Variants in PYM1 observed in about 807,000 individuals in gnomAD.
PYM1 encodes PYM1 exon junction complex associated factor.
A neutral mutation model predicts 20.7 loss-of-function variants in PYM1; 7 were observed. That is an observed-to-expected ratio of 0.34 (90% CI 0.19 to 0.64). The LOEUF (loss-of-function observed/expected upper bound fraction) is 0.64, where lower values mean the gene tolerates loss of function less well. PYM1 is among the 30% of genes least tolerant of loss of function. The pLI, the probability that PYM1 is intolerant of heterozygous loss-of-function variation, is 0.74. For missense variants in PYM1, 194 were observed against 250.0 expected, an observed-to-expected ratio of 0.78 and a Z score of 1.51; for synonymous variants, 100 against 99.2, an observed-to-expected ratio of 1.01 and a Z score of -0.05.
At chr12:55,916,808 G>T (rs1443452008) in intron 1 of PYM1, among the ~76,000 whole-genome samples, 1 of 151,080 alleles carries the variant, frequency 6.6e-6, no homozygotes, top group African/African-American at 2.4e-5. Flanking sequence ...CTCAAAAAAA[G>T]AAAAAAAGAA....
Position 55,901,805 on chromosome 12 carries a change from G to C in PYM1, c.*67C>G, listed in dbSNP as rs1488826019. On this transcript the variant is annotated 3_prime_UTR_variant, in exon 3 of 3. Transcript: ENST00000408946. ...GTACCCCTCCTGACTGCTGTTGCCC[G>C]TATTCCCCCAGACCCCAGAGAGCCC... 10 of 1,528,622 alleles carry C rather than the reference G, an allele frequency of 6.5e-6. No homozygotes were observed. Among genetic ancestry groups the C allele is most frequent in the African/African-American group, 1.4e-5 (1 of 71,904 alleles). 94.7% of individuals were successfully genotyped at this position (1,528,622 alleles called of 1,614,324 possible).
At chr12:55,906,605 T>G (rs1417034811) in intron 1 of PYM1, among the ~76,000 whole-genome samples, 2 of 152,180 alleles carry the variant, frequency 1.3e-5, no homozygotes, top group African/African-American at 4.8e-5. Context: ...GAACCACACT[T>G]TGAGAATCGC....
At chr12:55,910,168 T>A (rs1262925413) in intron 1 of PYM1, among the ~76,000 whole-genome samples, 1 of 151,858 alleles carries the variant, frequency 6.6e-6, no homozygotes, top group East Asian at 1.9e-4. Context: ...GAGCCAAATA[T>A]AAGTGACCAT....
intron 1 of PYM1, among the ~76,000 whole-genome samples, chr12:55,921,815 A>G (rs1469846936): frequency 6.6e-6 from 1 of 152,232 alleles, no homozygotes; most frequent in African/African-American, 2.4e-5. Context: ...CTATAAGTCC[A>G]TATTGATATA....
chr12:55,926,204 A>T (rs143473887), intron 1 of PYM1, among the ~76,000 whole-genome samples: 316 of 152,302 alleles, frequency 2.1e-3, no homozygotes, highest in Admixed American at 3.6e-3. Flanking sequence ...TTTGATCATC[A>T]TTGAGTAGCT....
chr12:55,910,496 G>A (rs563305371), intron 1 of PYM1, among the ~76,000 whole-genome samples: 125 of 152,168 alleles, frequency 8.2e-4, no homozygotes, highest in African/African-American at 2.8e-3. Context: ...AGGCTGGAGT[G>A]TAGTGGCATG....
intron 1 of PYM1, among the ~76,000 whole-genome samples, chr12:55,908,710 G>A (rs1882869437): frequency 6.6e-6 from 1 of 151,530 alleles, no homozygotes; most frequent in Non-Finnish European, 1.5e-5. Context: ...AAATAGCCAG[G>A]AGTGGTGGCT....
Position 55,912,871 on chromosome 12 carries a change from G to A in PYM1, c.38-9391C>T, listed in dbSNP as rs184825920. On this transcript the variant is annotated intron_variant, in intron 1 of 2. Coordinates refer to ENST00000408946, the MANE Select transcript of PYM1 (RefSeq NM_032345.3). ...CCCAGCTACTTGGGAGCCTGAGGCAGGAGAATCACTTGAACCCGGGAGGCG... is the reference window on the plus strand; with the variant it reads ...CCCAGCTACTTGGGAGCCTGAGGCAAGAGAATCACTTGAACCCGGGAGGCG... 4.1e-3 allele frequency among the ~76,000 whole-genome samples: 614 copies of A among 151,318 alleles called. 7 individuals carry two copies. Among genetic ancestry groups the A allele is most frequent in the African/African-American group, 0.014 (588 of 41,204 alleles).
chr12:55,923,718 T>C (rs1275879854), intron 1 of PYM1, among the ~76,000 whole-genome samples: 3 of 152,094 alleles, frequency 2.0e-5, no homozygotes, highest in Non-Finnish European at 2.9e-5. Context: ...GAAATCTCTG[T>C]AGCATCTTCT....
At chr12:55,916,589 G>A (rs1393925213) in intron 1 of PYM1, among the ~76,000 whole-genome samples, 1 of 152,056 alleles carries the variant, frequency 6.6e-6, no homozygotes, top group Non-Finnish European at 1.5e-5. Context: ...CCTGAGGTCA[G>A]GAGTTCAAGA....
intron 2 of PYM1, 150 bp from the exon 3 acceptor site, chr12:55,902,505 T>C: frequency 8.6e-7 from 1 of 1,161,078 alleles, no homozygotes; most frequent in East Asian, 2.6e-5. Context: ...TGAGATAGAG[T>C]CTCGCTCAGT....
intron 1 of PYM1, among the ~76,000 whole-genome samples, chr12:55,918,503 T>C (rs951469374): frequency 6.6e-6 from 1 of 152,116 alleles, no homozygotes; most frequent in Admixed American, 6.5e-5. Context: ...GAGGCTGACG[T>C]AGGAGGATCA....
At chr12:55,918,302 G>A (rs1475086623) in intron 1 of PYM1, among the ~76,000 whole-genome samples, 5 of 151,898 alleles carry the variant, frequency 3.3e-5, no homozygotes, top group Non-Finnish European at 5.9e-5. Flanking sequence ...GGGTTTCACC[G>A]TGTTAACCAG....
At chr12:55,910,531 C>T (rs1882904442) in intron 1 of PYM1, among the ~76,000 whole-genome samples, 1 of 152,090 alleles carries the variant, frequency 6.6e-6, no homozygotes. Flanking sequence ...CAACCTCCGC[C>T]TCCTGGGTTC....
intron 1 of PYM1, among the ~76,000 whole-genome samples, chr12:55,924,519 G>A (rs1312181970): frequency 3.3e-5 from 5 of 151,992 alleles, no homozygotes; most frequent in African/African-American, 1.2e-4. Flanking sequence ...ATCTGGCTGT[G>A]AAGAAAAAGG....
At chr12:55,926,971 G>A (rs1883200760) in intron 1 of PYM1, 1 of 1,231,538 alleles carries the variant, frequency 8.1e-7, no homozygotes, top group Non-Finnish European at 1.1e-6. Context: ...CGGGGGGCGG[G>A]GCAAAGGAGG....
chr12:55,908,342 T>C (rs1882861801), intron 1 of PYM1, among the ~76,000 whole-genome samples: 1 of 151,756 alleles, frequency 6.6e-6, no homozygotes, highest in African/African-American at 2.4e-5. Flanking sequence ...GGCATAAGAA[T>C]TGCTTGAGCC....
At chr12:55,927,397 A>G (rs1883213178) in intron 1 of PYM1, 3 of 714,250 alleles carry the variant, frequency 4.2e-6, no homozygotes, top group South Asian at 2.9e-5. Flanking sequence ...TCTCATCCCC[A>G]GGAACTCCTC....
In PYM1 at chr12:55,927,846, A is replaced by G. The variant is rs1244030313; in HGVS notation, c.-85T>C. 1.3e-6 allele frequency: 2 copies of G among 1,492,654 alleles called. No individual in the cohort carries two copies. Among genetic ancestry groups the G allele is most frequent in the Non-Finnish European group, 1.8e-6 (2 of 1,117,276 alleles). 92.5% of individuals were successfully genotyped at this position (1,492,654 alleles called of 1,614,324 possible). A position where few individuals can be genotyped will look rare whatever the true frequency, so the allele number is the denominator to read the frequency against. On this transcript the variant is annotated 5_prime_UTR_variant, in exon 1 of 3. Coordinates refer to ENST00000408946, the MANE Select transcript of PYM1 (RefSeq NM_032345.3). ...GGCGGCGCCGGGGATTCGGCGGCGAAGTGATGAGGGCCCTAGTTGCTTCTC... is the reference window on the plus strand; with the variant it reads ...GGCGGCGCCGGGGATTCGGCGGCGAGGTGATGAGGGCCCTAGTTGCTTCTC...
Sources: gnomAD v4.1 joint callset for allele counts (sites outside exome capture counted in the v4.1 genomes callset) on GRCh38, gnomAD v4.1.1 for gene constraint, MANE v1.5 for transcripts, NCBI Gene and HGNC (gene_info 2026-07-23, HGNC 2026-07-21) for gene names.